SYNE1: variants seen among roughly 807,000 people sequenced by gnomAD.
SYNE1 encodes the protein nesprin-1.
Under a neutral mutation model 1,111.0 loss-of-function variants are expected in SYNE1, and 616 were observed. The observed-to-expected ratio is 0.55, with a 90% CI of 0.52 to 0.59. The LOEUF (loss-of-function observed/expected upper bound fraction) is 0.59, where lower values mean the gene tolerates loss of function less well. SYNE1 is among the 20% of genes least tolerant of loss of function. The pLI is 0.00. For synonymous variants in SYNE1, 3,855 were observed against 3,825.8 expected, an observed-to-expected ratio of 1.01 and a Z score of -0.28; for missense variants, 10,006 against 10,417.0, an observed-to-expected ratio of 0.96 and a Z score of 1.72.
In SYNE1 at chr6:152,224,576, A is replaced by G. The variant is rs140962690; in HGVS notation, c.21440T>C (p.Met7147Thr). The change falls in exon 117 of 146, where the codon ATG becomes ACG. Residue 7147 changes from methionine to threonine, a missense_variant. Physicochemically the swap from Met to Thr is moderately conservative, Grantham distance 81 (BLOSUM62 -1). Coordinates refer to ENST00000367255, the MANE Select transcript of SYNE1 (RefSeq NM_182961.4). ...VAFDKINSYL[M>T]EARYSLSRFR... The stretch of plus-strand genomic sequence containing the variant: ...TCGGGAAAGAGAGTATCTGGCCTCC[A>G]TGAGGTAACTGTTTATCTTGTCAAA... 1.6e-4 allele frequency: 251 copies of G among 1,614,064 alleles called. 1 individual carries two copies. Among genetic ancestry groups the G allele is most frequent in the Non-Finnish European group, 2.0e-4 (237 of 1,179,970 alleles).
intron 3 of SYNE1, among the ~76,000 whole-genome samples, chr6:152,541,147 G>A (rs1201667024): frequency 6.6e-6 from 1 of 152,172 alleles, no homozygotes; most frequent in Non-Finnish European, 1.5e-5. Context: ...TTAATTAGAG[G>A]TATAAAGAGA....
chr6:152,496,953 C>T (rs1176008317), intron 11 of SYNE1, among the ~76,000 whole-genome samples: 1 of 152,104 alleles, frequency 6.6e-6, no homozygotes, highest in South Asian at 2.1e-4. Context: ...AAGCTCCCCA[C>T]CGAGCACCTT....
chr6:152,395,777 T>A, intron 50 of SYNE1, 106 bp from the exon 51 acceptor site: 2 of 1,205,682 alleles, frequency 1.7e-6, no homozygotes, highest in Non-Finnish European at 2.4e-6. Flanking sequence ...TAAGACCTCA[T>A]GAATGTTCAA....
rs533999116 is a variant in SYNE1 at position 152,350,684 on chromosome 6, G to A, written c.11667C>T (p.Asp3889=). 71 of 1,613,976 alleles carry A rather than the reference G, an allele frequency of 4.4e-5. No individual in the cohort carries two copies. The South Asian group carries it at 5.5e-4, about 12-fold the overall frequency. The stretch of plus-strand genomic sequence containing the variant: ...GATCTATTTTGTCCTTTAAAGTGAC[G>A]TCCTGCACCAGTTCCAAAAGAGCTT... ...KGEALLELVQ[D]VTLKDKIDQL... Residue 3889 remains aspartate (D), a synonymous_variant, in exon 71 of 146, where the codon GAC becomes GAT. Coordinates refer to ENST00000367255, the MANE Select transcript of SYNE1 (RefSeq NM_182961.4).
intron 33 of SYNE1, chr6:152,435,640 C>G (rs1592649049): frequency 2.4e-6 from 1 of 417,632 alleles, no homozygotes; most frequent in East Asian, 3.7e-5. Context: ...AATATTAGTT[C>G]TTTTTCAAGA....
At chr6:152,266,653 T>C (rs1469983626) in intron 100 of SYNE1, among the ~76,000 whole-genome samples, 1 of 152,238 alleles carries the variant, frequency 6.6e-6, no homozygotes, top group Non-Finnish European at 1.5e-5. Context: ...CCTATTCTTT[T>C]ACATTGATAT....
At position 152,433,952 on chromosome 6, in the gene SYNE1, T is replaced by G; in HGVS notation, c.4311-7A>C. The G allele has an allele frequency of 6.2e-7, 1 of 1,607,924 alleles. No homozygotes were observed. Among genetic ancestry groups the G allele is most frequent in the Non-Finnish European group, 8.5e-7 (1 of 1,175,948 alleles). On this transcript the variant is annotated splice_polypyrimidine_tract_variant and splice_region_variant and intron_variant, in intron 33 of 145. Coordinates refer to ENST00000367255, the MANE Select transcript of SYNE1 (RefSeq NM_182961.4). ...CATTTCCATGGTTTTAATACTAAAA[T>G]TAACCAAATTAAGTAAATAAAACTC...
intron 14 of SYNE1, among the ~76,000 whole-genome samples, chr6:152,477,570 C>A (rs2098842331): frequency 6.6e-6 from 1 of 152,148 alleles, no homozygotes; most frequent in African/African-American, 2.4e-5. Flanking sequence ...AAAATTGCAA[C>A]AACACCTAAT....
chr6:152,272,551 A>G (rs1180375332), intron 98 of SYNE1, among the ~76,000 whole-genome samples: 1 of 152,228 alleles, frequency 6.6e-6, no homozygotes, highest in Non-Finnish European at 1.5e-5. Flanking sequence ...TGTGAAAAAG[A>G]CCCAGCTTCA....
At chr6:152,277,264 C>CTTTT (rs747947368) in intron 98 of SYNE1, among the ~76,000 whole-genome samples, 46 of 82,132 alleles carry the variant, frequency 5.6e-4, no homozygotes, top group African/African-American at 1.6e-3. Context: ...TTTTCTTTTT[C>CTTTT]TTTTTTTTTT....
At chr6:152,312,304 G>A (rs942378430) in intron 87 of SYNE1, among the ~76,000 whole-genome samples, 1 of 149,464 alleles carries the variant, frequency 6.7e-6, no homozygotes, top group African/African-American at 2.5e-5. Context: ...GCATCTCCTG[G>A]GTTCAAGCGA....
intron 137 of SYNE1, chr6:152,147,819 G>C (rs2059782332): frequency 1.9e-6 from 1 of 537,842 alleles, no homozygotes; most frequent in African/African-American, 1.9e-5. Flanking sequence ...CTAGAACCTG[G>C]CAAAGCGCTT....
chr6:152,568,894 C>A (rs886812012), intron 3 of SYNE1, among the ~76,000 whole-genome samples: 1 of 152,106 alleles, frequency 6.6e-6, no homozygotes, highest in Non-Finnish European at 1.5e-5. Flanking sequence ...TTACATTATT[C>A]AATTTAAAAA....
At chr6:152,274,704 C>T (rs1327795776) in intron 98 of SYNE1, among the ~76,000 whole-genome samples, 1 of 152,132 alleles carries the variant, frequency 6.6e-6, no homozygotes, top group African/African-American at 2.4e-5. Flanking sequence ...TCAAGTGATT[C>T]TCCTGCCTCA....
chr6:152,206,272 C>T lies in SYNE1; in HGVS notation c.22915G>A (p.Ala7639Thr), dbSNP rs376169744. ...KQLLLSADSGAEAALQAELAE... is the reference protein window; with the variant it reads ...KQLLLSADSGTEAALQAELAE... ...AGTTCGGCCTGCAAGGCGGCCTCAG[C>T]GCCACTGTCCGCCGAGAGAAGGAGT... Residue 7639 changes from alanine to threonine, a missense_variant, in exon 126 of 146, where the codon GCT (alanine) becomes ACT (threonine). Physicochemically the swap from Ala to Thr is moderately conservative, Grantham distance 58. Coordinates refer to ENST00000367255, the MANE Select transcript of SYNE1 (RefSeq NM_182961.4). 1.3e-4 allele frequency: 203 copies of T among 1,613,930 alleles called. No homozygotes were observed. Among genetic ancestry groups the T allele is most frequent in the South Asian group, 2.1e-4 (19 of 91,066 alleles).
rs1309341345 is a variant in SYNE1, at chr6:152,318,130, T to C, written c.16523A>G (p.His5508Arg). 2 of 1,614,106 alleles carry C rather than the reference T, an allele frequency of 1.2e-6. No homozygotes were observed. The highest frequency in any genetic ancestry group is 1.6e-4 in the Middle Eastern group (1 of 6,084). ...AKKIGKLTEL[H>R]QQTIRQAENR... ...CTCAGCTTGTCTAATGGTCTGCTGG[T>C]GAAGTTCAGTCAGTTTTCCTATCTT... The change falls in exon 86 of 146, where the codon CAC becomes CGC. Residue 5508 changes from histidine (H) to arginine (R), a missense_variant. Physicochemically the swap from His to Arg is conservative, Grantham distance 29. This residue lies in a region of SYNE1 where 4,955 missense variants were observed against 5,017.2 expected (regional missense o/e 0.99). Coordinates refer to ENST00000367255, the MANE Select transcript of SYNE1 (RefSeq NM_182961.4).
At chr6:152,264,474 A>G (rs2153659969) in intron 100 of SYNE1, among the ~76,000 whole-genome samples, 1 of 152,234 alleles carries the variant, frequency 6.6e-6, no homozygotes, top group East Asian at 1.9e-4. Flanking sequence ...CAGTGTCTTT[A>G]GATAAGTCTC....
intron 32 of SYNE1, among the ~76,000 whole-genome samples, chr6:152,436,789 T>C (rs1183525788): frequency 1.3e-5 from 2 of 152,214 alleles, no homozygotes; most frequent in Non-Finnish European, 2.9e-5. Context: ...TCAATAGTGA[T>C]TGATCATAGA....
chr6:152,289,294 A>G (rs1227996364), intron 95 of SYNE1, among the ~76,000 whole-genome samples: 1 of 152,244 alleles, frequency 6.6e-6, no homozygotes, highest in Non-Finnish European at 1.5e-5. Flanking sequence ...TACATAGCTT[A>G]GAGAAGTTCC....
Sources: allele counts gnomAD v4.1 joint callset (sites outside exome capture counted in the v4.1 genomes callset), GRCh38; gene constraint gnomAD v4.1.1; regional missense constraint gnomAD v4.1.1; transcripts MANE v1.5; gene names NCBI Gene and HGNC (gene_info 2026-07-23, HGNC 2026-07-21).